The following ATP9B variants were observed in gnomAD, a reference collection of about 807,000 sequenced individuals.
ATP9B encodes the protein probable phospholipid-transporting ATPase IIB.
A neutral mutation model predicts 146.1 loss-of-function variants in ATP9B; 110 were observed. That is an observed-to-expected ratio of 0.75 (90% CI 0.65 to 0.88). ATP9B has a LOEUF of 0.88. ATP9B is among the 40% of genes least tolerant of loss of function. The pLI is 0.00. For synonymous variants in ATP9B, 604 were observed against 569.7 expected (o/e 1.06, Z -0.86); for missense variants, 1,499 against 1,496.4 (o/e 1.00, Z -0.03).
intron 8 of ATP9B, among the ~76,000 whole-genome samples, chr18:79,183,902 C>G (rs780487969): frequency 6.6e-6 from 1 of 151,708 alleles, no homozygotes; most frequent in African/African-American, 2.4e-5. Flanking sequence ...TATGTTTATA[C>G]AATTCTAATT....
chr18:79,329,421 G>T, intron 16 of ATP9B, 119 bp downstream of exon 16: 21 of 1,078,534 alleles, frequency 1.9e-5, no homozygotes, highest in South Asian at 4.7e-5. Context: ...TGCTGTTACA[G>T]TTTTGTTTGT....
At chr18:79,232,369 C>T (rs2095800760) in intron 11 of ATP9B, among the ~76,000 whole-genome samples, 1 of 152,202 alleles carries the variant, frequency 6.6e-6, no homozygotes, top group Admixed American at 6.5e-5. Context: ...TGTGAAAGAG[C>T]AGCAAGGTGT....
intron 4 of ATP9B, among the ~76,000 whole-genome samples, chr18:79,122,069 T>G (rs868249240): frequency 1.9e-4 from 29 of 152,302 alleles, no homozygotes; most frequent in African/African-American, 5.3e-4. Context: ...GTCTCTTCCC[T>G]GGAAATTAGA....
intron 7 of ATP9B, among the ~76,000 whole-genome samples, chr18:79,156,785 ATAATG>A (rs890092552): frequency 5.9e-5 from 9 of 152,188 alleles, no homozygotes; most frequent in Middle Eastern, 3.2e-3. Context: ...CTTCTTAACA[ATAATG>A]TAATGAGACC....
At chr18:79,227,883 G>A (rs1046011330) in intron 11 of ATP9B, among the ~76,000 whole-genome samples, 4 of 152,224 alleles carry the variant, frequency 2.6e-5, no homozygotes, top group African/African-American at 9.6e-5. Context: ...ACTGTGTTGA[G>A]AAAGCAGGAC....
At chr18:79,375,314 ATTC>A in intron 28 of ATP9B, 77 bp from the exon 29 acceptor site, 17 of 1,297,296 alleles carry the variant, frequency 1.3e-5, no homozygotes, top group Non-Finnish European at 1.9e-5. Flanking sequence ...TGTATTTCTT[ATTC>A]TTTTGCTAAC....
rs145020816 is a variant in ATP9B, at chr18:79,253,505, G to A, written c.1232G>A (p.Arg411Gln). Residue 411 changes from arginine to glutamine, a missense_variant, in exon 12 of 30, where the codon CGG (arginine) becomes CAG (glutamine). Physicochemically the swap from Arg to Gln is conservative, Grantham distance 43. Transcript: ENST00000426216. ...GGTCCATGGTACCGCAATCTTTTTC[G>A]GTTCCTTCTCCTCTTTTCTTACATC... ...FVGPWYRNLF[R>Q]FLLLFSYIIP... 1.1e-5 allele frequency: 18 copies of A among 1,604,804 alleles called. No individual in the cohort carries two copies. The highest frequency in any genetic ancestry group is 8.1e-5 in the African/African-American group (6 of 74,160).
At chr18:79,234,829 G>C (rs956278586) in intron 11 of ATP9B, among the ~76,000 whole-genome samples, 6 of 152,114 alleles carry the variant, frequency 3.9e-5, no homozygotes, top group Admixed American at 3.9e-4. Context: ...AGATTTCCTT[G>C]GTTCAGCTTT....
intron 7 of ATP9B, chr18:79,173,560 C>T (rs2095113015): frequency 2.6e-6 from 1 of 391,940 alleles, no homozygotes; most frequent in South Asian, 2.0e-5. Flanking sequence ...AATGCTCTAG[C>T]GTCATTTATA....
chr18:79,336,701 A>C lies in ATP9B; in HGVS notation c.2102A>C (p.Gln701Pro). 1 of 1,613,952 alleles carries C rather than the reference A, an allele frequency of 6.2e-7. No homozygotes were observed. Among genetic ancestry groups the C allele is most frequent in the Non-Finnish European group, 8.5e-7 (1 of 1,179,976 alleles). The part of the protein sequence containing the change: ...AKKALTEEQY[Q>P]DFESRYTQAK... ...AAGGCGTTGACAGAGGAGCAGTACC[A>C]GGACTTTGAGGTGAGCCGACTCCCA... is the stretch of plus-strand genomic sequence containing the variant. The change falls in exon 18 of 30, where the codon CAG (glutamine) becomes CCG (proline). Residue 701 changes from glutamine (Q) to proline (P), a missense_variant. Physicochemically the swap from Gln to Pro is moderately conservative, Grantham distance 76. Coordinates refer to ENST00000426216, the MANE Select transcript of ATP9B (RefSeq NM_198531.5).
chr18:79,249,538 A>T (rs1295956633), intron 11 of ATP9B, among the ~76,000 whole-genome samples: 4 of 152,200 alleles, frequency 2.6e-5, no homozygotes, highest in Non-Finnish European at 5.9e-5. Context: ...AATATATTTT[A>T]TGGGTGAAAA....
intron 26 of ATP9B, chr18:79,362,663 T>TC (rs2096997128): frequency 6.6e-6 from 1 of 152,240 alleles, no homozygotes; most frequent in Non-Finnish European, 1.5e-5. Context: ...AGCTAGTTAC[T>TC]CCAAGATCCA....
At chr18:79,122,149 G>T (rs2094200250) in intron 4 of ATP9B, among the ~76,000 whole-genome samples, 1 of 152,100 alleles carries the variant, frequency 6.6e-6, no homozygotes, top group Non-Finnish European at 1.5e-5. Context: ...AGGTGATTAT[G>T]ATATGCTTAC....
intron 28 of ATP9B, 81 bp downstream of exon 28, chr18:79,374,182 ATTGTG>A: frequency 6.9e-7 from 1 of 1,457,624 alleles, no homozygotes; most frequent in Non-Finnish European, 9.4e-7. Context: ...TTCTGAATAC[ATTGTG>A]TTAAGTTGTG....
intron 11 of ATP9B, among the ~76,000 whole-genome samples, chr18:79,246,244 T>TGGAGGGCACCACCCTACTGACTGC (rs2095959187): frequency 8.4e-4 from 1 of 1,190 alleles, no homozygotes. Flanking sequence ...CCTGACTGTG[T>TGGAGGGCACCACCCTACTGACTGC]GGAGGGCACC....
chr18:79,148,401 C>T (rs967898935), intron 6 of ATP9B, among the ~76,000 whole-genome samples: 1 of 152,144 alleles, frequency 6.6e-6, no homozygotes, highest in Non-Finnish European at 1.5e-5. Context: ...AGTAATACAT[C>T]ACAACCCAGT....
chr18:79,175,197 C>CA (rs536122117), intron 7 of ATP9B, among the ~76,000 whole-genome samples: 4,736 of 56,396 alleles, frequency 0.084, 296 homozygotes, highest in African/African-American at 0.22. Context: ...GAGACTGTCT[C>CA]AAAAAAAAAA....
rs375251956 is a variant in ATP9B, at chr18:79,344,242, A to C, written c.2383-23A>C. On this transcript the variant is annotated intron_variant, in intron 20 of 29. Transcript: ENST00000426216. ...AACTTAGACAACATTTTAATTTGGG[A>C]TTCTTTTTCTCCCTTAATGGAGGTA... The C allele has an allele frequency of 8.6e-5, 138 of 1,604,708 alleles. No homozygotes were observed. The African/African-American group carries it at 1.7e-3, about 20-fold the overall frequency.
intron 13 of ATP9B, among the ~76,000 whole-genome samples, chr18:79,290,061 G>T (rs1386078651): frequency 1.3e-5 from 2 of 152,162 alleles, no homozygotes; most frequent in Non-Finnish European, 2.9e-5. Context: ...TCGGGGGTCA[G>T]GGGTCAGGGA....
Sources: gnomAD v4.1 joint callset for allele counts (sites outside exome capture counted in the v4.1 genomes callset) on GRCh38, gnomAD v4.1.1 for gene constraint, MANE v1.5 for transcripts, NCBI Gene and HGNC (gene_info 2026-07-23, HGNC 2026-07-21) for gene names.